The following MUC6 variants were observed in gnomAD, a reference collection of about 807,000 sequenced individuals.
MUC6 encodes mucin 6, oligomeric mucus/gel-forming (gene/pseudogene).
A neutral mutation model predicts 201.5 loss-of-function variants in MUC6; 188 were observed. The observed-to-expected ratio is 0.93, with a 90% CI of 0.83 to 1.05. The LOEUF (loss-of-function observed/expected upper bound fraction) is 1.05. MUC6 is among the 50% of genes least tolerant of loss of function. The probability of loss-of-function intolerance (pLI) is 0.00; values close to 1 mark genes in which losing one functional copy is unlikely to be tolerated. For synonymous variants in MUC6, 1,228 were observed against 1,389.4 expected, an observed-to-expected ratio of 0.88 and a Z score of 2.58; for missense variants, 2,706 against 3,256.9, an observed-to-expected ratio of 0.83 and a Z score of 4.12.
In MUC6 at chr11:1,013,199, G is replaced by T; in HGVS notation, c.*257C>A. On this transcript the variant is annotated 3_prime_UTR_variant, in exon 33 of 33. Transcript: ENST00000421673. ...AGGGGTGGTCGGGAGTGCCCTGTGT[G>T]CCTGGGAGGTCCGTGACCACTGTCC... 1 of 542,958 alleles carries T rather than the reference G, an allele frequency of 1.8e-6. No homozygotes were observed. Among genetic ancestry groups the T allele is most frequent in the Non-Finnish European group, 3.2e-6 (1 of 309,226 alleles). The allele number at this position is 542,958 out of a possible 1,614,324, so 33.6% of individuals were successfully genotyped here.
rs748828423 is a variant in MUC6 at position 1,024,083 on chromosome 11, G to A, written c.3246C>T (p.Tyr1082=). The part of the protein sequence containing the change: ...CHSKVYHLPY[Y]EACVRDACGC... ...CACATGCGTCGCGCACGCAGGCCTC[G>A]TAGTAGGGCAGGTGGTATACCTGCA... The change falls in exon 25 of 33, where the codon TAC becomes TAT. Residue 1082 remains tyrosine (Y), a synonymous_variant. Transcript: ENST00000421673. 28 of 1,612,736 alleles carry A rather than the reference G, an allele frequency of 1.7e-5. No individual in the cohort carries two copies. In the South Asian group the frequency reaches 2.2e-4, roughly 13 times the overall value.
In MUC6 at chr11:1,033,166, C is replaced by T; in HGVS notation, c.53-91G>A. 1 of 1,285,260 alleles carries T rather than the reference C, an allele frequency of 7.8e-7. No individual in the cohort carries two copies. The highest frequency in any genetic ancestry group is 1.1e-6 in the Non-Finnish European group (1 of 886,256). 79.6% of individuals were successfully genotyped at this position (1,285,260 alleles called of 1,614,324 possible). ...CTGCTCAGGGCTGCTCCGCCCGTTT[C>T]CCTGCACACACTCGGCGTGCGAGAA... On this transcript the variant is annotated intron_variant, in intron 1 of 32. Transcript: ENST00000421673. The surrounding 1 kb of genome is among the most constrained non-coding windows in gnomAD (Gnocchi z 5.6).
chr11:1,026,322 C>T lies in MUC6; in HGVS notation c.2546+5G>A. ...CAGGGCGTCTGAAGCGAGGCTTTGT[C>T]TCACCAGGTCCTGCAGTCAGTGTGG... is the stretch of plus-strand genomic sequence containing the variant. On this transcript the variant is annotated splice_donor_5th_base_variant and intron_variant, in intron 20 of 32. Transcript: ENST00000421673. 6.4e-7 allele frequency: 1 copy of T among 1,568,676 alleles called. No homozygotes were observed. Among genetic ancestry groups the T allele is most frequent in the Non-Finnish European group, 8.6e-7 (1 of 1,157,800 alleles).
chr11:1,023,392 G>A, intron 26 of MUC6, 117 bp downstream of exon 26: 1 of 1,285,098 alleles, frequency 7.8e-7, no homozygotes. Flanking sequence ...ATGAATGTGT[G>A]AATTAATGAG....
At position 1,025,248 on chromosome 11, in the gene MUC6, C is replaced by A; in HGVS notation, c.2919G>T (p.Arg973Ser). ...TGTTCCAGATGAGCGTCAGGTTGTA[C>A]CTCCCGGGGATGCTGATGTCCACGA... ...SLVVDISIPG[R>S]YNLTLIWNRH... The change falls in exon 23 of 33, where the codon AGG becomes AGT. Residue 973 changes from arginine (R) to serine (S), a missense_variant. Physicochemically the swap from Arg to Ser is moderately radical, Grantham distance 110 (BLOSUM62 -1). This residue lies in a region of MUC6 where 1,850 missense variants were observed against 1,958.3 expected (regional missense o/e 0.94). Transcript: ENST00000421673. 1 of 1,612,810 alleles carries A rather than the reference C, an allele frequency of 6.2e-7. No individual in the cohort carries two copies.
At chr11:1,032,854 G>A (rs184613429) in intron 2 of MUC6, among the ~76,000 whole-genome samples, 159 bp downstream of exon 2, 1 of 151,514 alleles carries the variant, frequency 6.6e-6, no homozygotes, top group East Asian at 1.9e-4. Flanking sequence ...TATTGGGTAT[G>A]TGTGTGTGTT....
Position 1,029,065 on chromosome 11 carries a change from A to G in MUC6, c.1361T>C (p.Val454Ala), listed in dbSNP as rs763554815. ...CCTTACCTGCCTGGAGAGGTAGACC[A>G]CAGCCACCAGGGAGGTCTCGGAGTG... ...VSHSETSLVA[V>A]VYLSRQDKIV... is the part of the protein sequence containing the mutation. Residue 454 changes from valine to alanine, a missense_variant, in exon 11 of 33, where the codon GTG becomes GCG. Physicochemically the swap from Val to Ala is moderately conservative, Grantham distance 64 (BLOSUM62 0). Around this residue, in one of 10 missense-constraint regions of MUC6, gnomAD observed 1,850 missense variants for 1,958.3 expected, o/e 0.94. Transcript: ENST00000421673. The G allele has an allele frequency of 1.2e-6, 2 of 1,612,620 alleles. No homozygotes were observed. The highest frequency in any genetic ancestry group is 2.2e-5 in the East Asian group (1 of 44,860).
intron 27 of MUC6, 112 bp from the exon 28 acceptor site, chr11:1,020,846 G>T: frequency 7.5e-7 from 1 of 1,335,738 alleles, no homozygotes; most frequent in Non-Finnish European, 1.0e-6. Flanking sequence ...CTGTGGTGGA[G>T]GGGACTGGAG....
rs895663332 is a variant in MUC6 at position 1,030,938 on chromosome 11, C to T, written c.684+9G>A. ...TGGGGTCAGCCCCACCTGGAGCCCC[C>T]TTGCTTACGTGCTGGGCCTGCCGGA... On this transcript the variant is annotated intron_variant, in intron 6 of 32. Transcript: ENST00000421673. The T allele has an allele frequency of 1.3e-6, 2 of 1,561,762 alleles. No individual in the cohort carries two copies. The highest frequency in any genetic ancestry group is 2.4e-5 in the East Asian group (1 of 41,990).
At chr11:1,025,764 A>G (rs763996165) in intron 22 of MUC6, 41 bp downstream of exon 22, 27 of 1,545,254 alleles carry the variant, frequency 1.7e-5, no homozygotes, top group South Asian at 4.6e-5. Flanking sequence ...AGGGCCCCCT[A>G]CCGCCCGTCC....
At chr11:1,032,337 C>T (rs570204188) in intron 2 of MUC6, among the ~76,000 whole-genome samples, 8 of 151,778 alleles carry the variant, frequency 5.3e-5, no homozygotes, top group South Asian at 2.1e-4. Flanking sequence ...TGTGTGCATA[C>T]GTGTCAGGTG....
intron 28 of MUC6, 121 bp downstream of exon 28, chr11:1,020,563 A>C: frequency 7.1e-7 from 1 of 1,404,840 alleles, no homozygotes; most frequent in Non-Finnish European, 1.0e-6. Flanking sequence ...GTTAGACCTG[A>C]GAAGGGCACA....
At position 1,018,436 on chromosome 11, in the gene MUC6, C is replaced by T. The variant is rs12802800; in HGVS notation, c.4365G>A (p.Val1455=). 91,425 of 1,530,366 alleles carry T rather than the reference C, an allele frequency of 0.06. 230 individuals are homozygous for T. Among genetic ancestry groups the T allele is most frequent in the African/African-American group, 0.23 (16,563 of 70,892 alleles). 94.8% of individuals were successfully genotyped at this position (1,530,366 alleles called of 1,614,324 possible). A position where few individuals can be genotyped will look rare whatever the true frequency, so the allele number is the denominator to read the frequency against. The change falls in exon 31 of 33, where the codon GTG becomes GTA. Residue 1455 remains valine, a synonymous_variant. Coordinates refer to ENST00000421673, the MANE Select transcript of MUC6 (RefSeq NM_005961.3). The stretch of plus-strand genomic sequence containing the variant: ...TGATGACTGTGTGAGTACTTGGAGT[C>T]ACCAAGGAGGTGGAGAAAGGTGGAA... ...THVPPFSTSL[V]TPSTHTVITP... is the part of the protein sequence containing the mutation.
chr11:1,014,592 G>A (rs564291744), intron 31 of MUC6, among the ~76,000 whole-genome samples: 1 of 152,328 alleles, frequency 6.6e-6, no homozygotes, highest in Admixed American at 6.5e-5. Flanking sequence ...CACAGAGCAG[G>A]GTGGACCGAT....
At chr11:1,019,616 T>A (rs1382914006) in intron 29 of MUC6, 120 bp from the exon 30 acceptor site, 1 of 878,822 alleles carries the variant, frequency 1.1e-6, no homozygotes, top group Non-Finnish European at 1.8e-6. Context: ...CTCAGCCTCC[T>A]TGGAGGGGCT....
At chr11:1,021,625 C>T (rs1004668891) in intron 26 of MUC6, among the ~76,000 whole-genome samples, 3 of 152,102 alleles carry the variant, frequency 2.0e-5, no homozygotes, top group Admixed American at 6.5e-5. Context: ...CCTGCCTCGG[C>T]CTCCCAGAGT....
rs1856878579 is a variant in MUC6 at position 1,023,672 on chromosome 11, C to T, written c.3383-20G>A. On this transcript the variant is annotated intron_variant, in intron 25 of 32. Transcript: ENST00000421673. ...AGATGGCTGGGAGGAAGGGAGCTGT[C>T]AGCTGGTGGGGTTCCTGGCCCTGGC... 1 of 1,610,558 alleles carries T rather than the reference C, an allele frequency of 6.2e-7. No individual in the cohort carries two copies. The highest frequency in any genetic ancestry group is 8.5e-7 in the Non-Finnish European group (1 of 1,178,904).
Position 1,018,070 on chromosome 11 carries a change from G to C in MUC6, c.4731C>G (p.Ser1577=). 6.5e-7 allele frequency: 1 copy of C among 1,527,006 alleles called. No individual in the cohort carries two copies. Among genetic ancestry groups the C allele is most frequent in the South Asian group, 1.1e-5 (1 of 88,206 alleles). The allele number at this position is 1,527,006 out of a possible 1,614,324, so 94.6% of individuals were successfully genotyped here. Residue 1577 remains serine, a synonymous_variant, in exon 31 of 33, where the codon TCC becomes TCG. Transcript: ENST00000421673. ...SRPPPPFTTH[S]PPTGSSPFSS... ...AGAAGGGACTGCTCCCTGTAGGTGG[G>C]GAGTGTGTGGTGAAGGGTGGTGGTG...
At position 1,018,662 on chromosome 11, in the gene MUC6, G is replaced by A; in HGVS notation, c.4139C>T (p.Pro1380Leu). The change falls in exon 31 of 33, where the codon CCC becomes CTC. Residue 1380 changes from proline to leucine, a missense_variant. Around this residue, in one of 10 missense-constraint regions of MUC6, gnomAD observed 1,850 missense variants for 1,958.3 expected, o/e 0.94. Transcript: ENST00000421673. ...GGTCTCTGTGGCTGTGGGCCTCGTGGGTTGTCCTGGCTGTGGGGTGGTTGG... is the reference window on the plus strand; with the variant it reads ...GGTCTCTGTGGCTGTGGGCCTCGTGAGTTGTCCTGGCTGTGGGGTGGTTGG... Reference protein sequence around the residue: ...TGPTTPQPGQPTRPTATETTQ... With the variant: ...TGPTTPQPGQLTRPTATETTQ... 1.2e-6 allele frequency: 2 copies of A among 1,613,376 alleles called. No individual in the cohort carries two copies. The highest frequency in any genetic ancestry group is 8.5e-7 in the Non-Finnish European group (1 of 1,179,660).
Sources: gnomAD v4.1 joint callset for allele counts (sites outside exome capture counted in the v4.1 genomes callset) on GRCh38, gnomAD v4.1.1 for gene constraint, gnomAD v4.1.1 regional missense constraint, Gnocchi (gnomAD v3.1) non-coding constraint, MANE v1.5 for transcripts, NCBI Gene and HGNC (gene_info 2026-07-23, HGNC 2026-07-21) for gene names.